MPV17L: variants seen among roughly 807,000 people sequenced by gnomAD.
The protein encoded by MPV17L is MPV17 mitochondrial inner membrane protein like.
Under a neutral mutation model 25.8 loss-of-function variants are expected in MPV17L, and 24 were observed. The observed-to-expected ratio is 0.93, with a 90% CI of 0.67 to 1.31. The LOEUF is 1.31. Among genes scored for constraint, MPV17L ranks in the 50% most tolerant of loss-of-function variants. The pLI is 0.00. For missense variants in MPV17L, 250 were observed against 265.6 expected (o/e 0.94, Z 0.41); for synonymous variants, 102 against 115.3 (o/e 0.88, Z 0.74).
intron 1 of MPV17L, among the ~76,000 whole-genome samples, chr16:15,396,801 C>T (rs2050590136): frequency 6.6e-6 from 1 of 152,074 alleles, no homozygotes; most frequent in South Asian, 2.1e-4. Context: ...GGGGCCTAGT[C>T]CTGGTTTGGT....
At chr16:15,397,125 A>T (rs147489805) in intron 1 of MPV17L, among the ~76,000 whole-genome samples, 1 of 152,252 alleles carries the variant, frequency 6.6e-6, no homozygotes, top group Non-Finnish European at 1.5e-5. Flanking sequence ...GTATTCTCCC[A>T]AGTAGTGTGT....
At chr16:15,402,781 C>T (rs552476275) in intron 2 of MPV17L, among the ~76,000 whole-genome samples, 3 of 152,242 alleles carry the variant, frequency 2.0e-5, no homozygotes, top group African/African-American at 4.8e-5. Context: ...AAGCAATTCT[C>T]AATTCTCCTG....
intron 1 of MPV17L, among the ~76,000 whole-genome samples, chr16:15,400,346 C>CTTTTTTTTT (rs908354383): frequency 4.8e-5 from 6 of 125,124 alleles, no homozygotes; most frequent in African/African-American, 1.5e-4. Context: ...ATTATGTTTT[C>CTTTTTTTTT]TTTTTTTTTT....
chr16:15,402,485 C>G (rs1229007976), intron 2 of MPV17L, among the ~76,000 whole-genome samples: 1 of 152,164 alleles, frequency 6.6e-6, no homozygotes, highest in African/African-American at 2.4e-5. Flanking sequence ...GCCAGCATTA[C>G]TTGATGGCTA....
At chr16:15,403,767 G>GT (rs2050658911) in intron 2 of MPV17L, among the ~76,000 whole-genome samples, 1 of 151,582 alleles carries the variant, frequency 6.6e-6, no homozygotes, top group Non-Finnish European at 1.5e-5. Context: ...TTTGCATACT[G>GT]TTTAAAAAAA....
rs768689698 is a variant in MPV17L, at chr16:15,408,322, T to C, written c.*210T>C. On this transcript the variant is annotated 3_prime_UTR_variant, in exon 4 of 4. Transcript: ENST00000396385. ...CTAGTCTGAAATATTACTTCTCTAATATTTTGGTTAATATGAATAATAGTG... is the reference window on the plus strand; with the variant it reads ...CTAGTCTGAAATATTACTTCTCTAACATTTTGGTTAATATGAATAATAGTG... The C allele has an allele frequency of 3.5e-5, 16 of 460,532 alleles. No homozygotes were observed. The Middle Eastern group carries it at 1.7e-3, about 49-fold the overall frequency. 28.5% of individuals were successfully genotyped at this position (460,532 alleles called of 1,614,324 possible).
At chr16:15,405,803 G>T (rs2050675633) in intron 2 of MPV17L, among the ~76,000 whole-genome samples, 1 of 151,906 alleles carries the variant, frequency 6.6e-6, no homozygotes, top group Admixed American at 6.6e-5. Context: ...CCAGCACTTT[G>T]GGAGGCTGAG....
In MPV17L at chr16:15,411,472, C is replaced by T. The variant is rs2050733064; in HGVS notation, c.*3360C>T. 6.6e-6 allele frequency: 1 copy of T among 151,976 alleles called. No homozygotes were observed. The allele number at this position is 151,976 out of a possible 1,614,324, so 9.4% of individuals were successfully genotyped here. On this transcript the variant is annotated 3_prime_UTR_variant, in exon 4 of 4. Transcript: ENST00000396385. Reference sequence around the variant, plus strand: ...ACCAGCCTAGGCAACATGGCAAGAGCCTGTCTCTCCAAAACCTACAAAAAT... The same window carrying T: ...ACCAGCCTAGGCAACATGGCAAGAGTCTGTCTCTCCAAAACCTACAAAAAT...
chr16:15,408,513 T>A lies in MPV17L; in HGVS notation c.*401T>A, dbSNP rs2050702278. 2 of 157,444 alleles carry A rather than the reference T, an allele frequency of 1.3e-5. No individual in the cohort carries two copies. The highest frequency in any genetic ancestry group is 1.3e-4 in the Admixed American group (2 of 15,550). The allele number at this position is 157,444 out of a possible 1,614,324, so 9.8% of individuals were successfully genotyped here. ...AAAAAATAGTTCTTAGAGTGAATTT[T>A]AATTTACATAGAACTCAATCGAAAT... On this transcript the variant is annotated 3_prime_UTR_variant, in exon 4 of 4. Transcript: ENST00000396385.
chr16:15,413,232 A>T lies in MPV17L; in HGVS notation c.*5120A>T, dbSNP rs2050750536. ...TCCACTTTCACCCATAAGGTTTAGC[A>T]TCTAAAAAAATTAAATCACTGCTAA... On this transcript the variant is annotated 3_prime_UTR_variant, in exon 4 of 4. Transcript: ENST00000396385. 3 of 152,218 alleles carry T rather than the reference A, an allele frequency of 2.0e-5. No homozygotes were observed. The highest frequency in any genetic ancestry group is 6.5e-5 in the Admixed American group (1 of 15,276). 9.4% of individuals were successfully genotyped at this position (152,218 alleles called of 1,614,324 possible). A position where few individuals can be genotyped will look rare whatever the true frequency, so the allele number is the denominator to read the frequency against.
intron 2 of MPV17L, among the ~76,000 whole-genome samples, chr16:15,406,386 C>A (rs1222388254): frequency 6.6e-6 from 1 of 151,762 alleles, no homozygotes; most frequent in African/African-American, 2.4e-5. Flanking sequence ...GTCTGTAATA[C>A]CACTTTTAAG....
chr16:15,409,409 A>G lies in MPV17L; in HGVS notation c.*1297A>G, dbSNP rs1374209080. On this transcript the variant is annotated 3_prime_UTR_variant, in exon 4 of 4. Transcript: ENST00000396385. ...ATCCACAGAAGTGAAAATAGCCTTA[A>G]CTGATGACATTGCACCATTGTGATA... 6.6e-6 allele frequency: 1 copy of G among 152,226 alleles called. No individual in the cohort carries two copies. The highest frequency in any genetic ancestry group is 1.5e-5 in the Non-Finnish European group (1 of 68,064). 9.4% of individuals were successfully genotyped at this position (152,226 alleles called of 1,614,324 possible). A position where few individuals can be genotyped will look rare whatever the true frequency, so the allele number is the denominator to read the frequency against.
At chr16:15,406,180 C>T (rs1053623395) in intron 2 of MPV17L, among the ~76,000 whole-genome samples, 8 of 151,482 alleles carry the variant, frequency 5.3e-5, no homozygotes, top group African/African-American at 1.9e-4. Flanking sequence ...AAGAGCAAAA[C>T]TCCATCTCAA....
chr16:15,407,215 T>C (rs1015259655), intron 2 of MPV17L, among the ~76,000 whole-genome samples: 1 of 152,202 alleles, frequency 6.6e-6, no homozygotes, highest in East Asian at 1.9e-4. Context: ...TCTTCCAGAA[T>C]TGGTACTGAT....
At position 15,409,530 on chromosome 16, in the gene MPV17L, T is replaced by G. The variant is rs1567434916; in HGVS notation, c.*1418T>G. ...TCTCCCCACCCTTGAGAATGTACTT[T>G]GTGAGATCCACCCCTGCCCGCAAAA... On this transcript the variant is annotated 3_prime_UTR_variant, in exon 4 of 4. Coordinates refer to ENST00000396385, the MANE Select transcript of MPV17L (RefSeq NM_001128423.2). 1 of 152,226 alleles carries G rather than the reference T, an allele frequency of 6.6e-6. No individual in the cohort carries two copies. Among genetic ancestry groups the G allele is most frequent in the Non-Finnish European group, 1.5e-5 (1 of 68,054 alleles). The allele number at this position is 152,226 out of a possible 1,614,324, so 9.4% of individuals were successfully genotyped here.
At chr16:15,404,094 GA>G (rs762050578) in intron 2 of MPV17L, among the ~76,000 whole-genome samples, 12 of 152,128 alleles carry the variant, frequency 7.9e-5, no homozygotes, top group Non-Finnish European at 1.6e-4. Flanking sequence ...AACACAGTGA[GA>G]CCCTGTCTCA....
rs1021314803 is a variant in MPV17L, at chr16:15,408,538, T to G, written c.*426T>G. The G allele has an allele frequency of 1.3e-5, 2 of 153,312 alleles. No homozygotes were observed. The highest frequency in any genetic ancestry group is 2.9e-5 in the Non-Finnish European group (2 of 69,168). The allele number at this position is 153,312 out of a possible 1,614,324, so 9.5% of individuals were successfully genotyped here. A position where few individuals can be genotyped will look rare whatever the true frequency, so the allele number is the denominator to read the frequency against. ...TAATTTACATAGAACTCAATCGAAA[T>G]GAAGATTTAATAACCAGATTTCTTT... is the stretch of plus-strand genomic sequence containing the variant. On this transcript the variant is annotated 3_prime_UTR_variant, in exon 4 of 4. Transcript: ENST00000396385.
In MPV17L at chr16:15,408,238, C is replaced by T; in HGVS notation, c.*126C>T. On this transcript the variant is annotated 3_prime_UTR_variant, in exon 4 of 4. Transcript: ENST00000396385. ...GAGGAATTACTACTATTTATAGACC[C>T]ACTTTTTAAAAAATTATCAATGATT... 1 of 662,280 alleles carries T rather than the reference C, an allele frequency of 1.5e-6. No individual in the cohort carries two copies. Among genetic ancestry groups the T allele is most frequent in the East Asian group, 2.8e-5 (1 of 35,814 alleles). The allele number at this position is 662,280 out of a possible 1,614,324, so 41.0% of individuals were successfully genotyped here. A position where few individuals can be genotyped will look rare whatever the true frequency, so the allele number is the denominator to read the frequency against.
intron 2 of MPV17L, among the ~76,000 whole-genome samples, chr16:15,404,591 C>T (rs148317335): frequency 0.012 from 1,781 of 152,168 alleles, 35 homozygotes; most frequent in African/African-American, 0.041. Flanking sequence ...GAGGCCAAGG[C>T]GAGCAGATCA....
Sources: allele counts gnomAD v4.1 joint callset (sites outside exome capture counted in the v4.1 genomes callset), GRCh38; gene constraint gnomAD v4.1.1; transcripts MANE v1.5; gene names NCBI Gene and HGNC (gene_info 2026-07-23, HGNC 2026-07-21).